Variants in ATMIN observed in about 807,000 individuals in gnomAD.
The protein encoded by ATMIN is ATM INteracting protein.
A neutral mutation model predicts 49.2 loss-of-function variants in ATMIN; 24 were observed. That is an observed-to-expected ratio of 0.49 (90% CI 0.35 to 0.69). ATMIN has a LOEUF of 0.69. Ranked by LOEUF, ATMIN falls within the 30% of genes least tolerant of loss-of-function variation. The pLI, the probability that ATMIN is intolerant of heterozygous loss-of-function variation, is 0.00. For missense variants in ATMIN, 1,037 were observed against 1,005.5 expected, an observed-to-expected ratio of 1.03 and a Z score of -0.42; for synonymous variants, 450 against 392.5, an observed-to-expected ratio of 1.15 and a Z score of -1.73.
intron 2 of ATMIN, 96 bp downstream of exon 2, chr16:81,041,577 G>T (rs1426067486): frequency 4.1e-6 from 6 of 1,455,620 alleles, no homozygotes; most frequent in Non-Finnish European, 4.6e-6. Flanking sequence ...GTAGACAGCT[G>T]CTTGTGAGGG....
Position 81,043,808 on chromosome 16 carries a change from T to C in ATMIN, c.1310T>C (p.Val437Ala). ...CAGTGGGCCACTGCTGATTCCTCTG[T>C]GTCGTCTTGTTCTCAAACTGATTTG... ...SAQWATADSS[V>A]SSCSQTDLSF... Residue 437 changes from valine to alanine, a missense_variant, in exon 4 of 4, where the codon GTG becomes GCG. By Grantham distance (64) the Val-to-Ala change is moderately conservative (BLOSUM62 0). Coordinates refer to ENST00000299575, the MANE Select transcript of ATMIN (RefSeq NM_015251.3). 1 of 1,614,252 alleles carries C rather than the reference T, an allele frequency of 6.2e-7. No individual in the cohort carries two copies. Among genetic ancestry groups the C allele is most frequent in the South Asian group, 1.1e-5 (1 of 91,090 alleles).
Position 81,042,426 on chromosome 16 carries a change from C to T in ATMIN, c.608C>T (p.Thr203Ile), listed in dbSNP as rs375698689. The stretch of plus-strand genomic sequence containing the variant: ...TGCGGCTGTCCCTACGCCAGTAGAA[C>T]AGCACTGCAGTCTCACATCTACCGA... Reference protein sequence around the residue: ...CTCGCPYASRTALQSHIYRTG... With the variant: ...CTCGCPYASRIALQSHIYRTG... Residue 203 changes from threonine to isoleucine, a missense_variant, in exon 3 of 4, where the codon ACA (threonine) becomes ATA (isoleucine). Physicochemically the swap from Thr to Ile is moderately conservative, Grantham distance 89. Transcript: ENST00000299575. The T allele has an allele frequency of 6.2e-7, 1 of 1,614,028 alleles. No individual in the cohort carries two copies. Among genetic ancestry groups the T allele is most frequent in the Non-Finnish European group, 8.5e-7 (1 of 1,180,040 alleles).
rs144856603 is a variant in ATMIN at position 81,043,306 on chromosome 16, T to C, written c.808T>C (p.Ser270Pro). The change falls in exon 4 of 4, where the codon TCT becomes CCT. Residue 270 changes from serine to proline, a missense_variant. Physicochemically the swap from Ser to Pro is moderately conservative, Grantham distance 74 (BLOSUM62 -1). Coordinates refer to ENST00000299575, the MANE Select transcript of ATMIN (RefSeq NM_015251.3). ...AGCTTCAGAAATAAAGCTAGAACCA[T>C]CTTTTGAAGACTCTTGTGGCTCTAA... ...LEASEIKLEP[S>P]FEDSCGSNTD... The C allele has an allele frequency of 1.4e-5, 22 of 1,613,944 alleles. No homozygotes were observed. The highest frequency in any genetic ancestry group is 2.7e-5 in the African/African-American group (2 of 74,882).
rs766477970 is a variant in ATMIN at position 81,044,363 on chromosome 16, C to A, written c.1865C>A (p.Thr622Asn). The A allele has an allele frequency of 8.7e-6, 14 of 1,614,006 alleles. No individual in the cohort carries two copies. Among genetic ancestry groups the A allele is most frequent in the African/African-American group, 1.3e-5 (1 of 74,914 alleles). The change falls in exon 4 of 4, where the codon ACC becomes AAC. Residue 622 changes from threonine (T) to asparagine (N), a missense_variant. Thr to Asn is a moderately conservative substitution (Grantham distance 65). Coordinates refer to ENST00000299575, the MANE Select transcript of ATMIN (RefSeq NM_015251.3). The stretch of plus-strand genomic sequence containing the variant: ...TCTGACACAAATCCTGGACCTGACA[C>A]CCAGCTCCCATCTGGCCCAGCCCAG... ...LLSDTNPGPD[T>N]QLPSGPAQNP...
chr16:81,045,073 G>C lies in ATMIN; in HGVS notation c.*103G>C. 2 of 1,431,240 alleles carry C rather than the reference G, an allele frequency of 1.4e-6. No individual in the cohort carries two copies. The highest frequency in any genetic ancestry group is 1.9e-6 in the Non-Finnish European group (2 of 1,064,780). The allele number at this position is 1,431,240 out of a possible 1,614,324, so 88.7% of individuals were successfully genotyped here. On this transcript the variant is annotated 3_prime_UTR_variant, in exon 4 of 4. Coordinates refer to ENST00000299575, the MANE Select transcript of ATMIN (RefSeq NM_015251.3). ...ATTAATTCGATTGAATGTGGCTGAT[G>C]ATGCAGTTGCTTAGCTTCTTTGTGT...
In ATMIN at chr16:81,045,031, G is replaced by A. The variant is rs1194704116; in HGVS notation, c.*61G>A. The stretch of plus-strand genomic sequence containing the variant: ...ACCATTTCCTCTGGATTAAAACTAC[G>A]GACTGGGGACAACAGTATTAATTCG... On this transcript the variant is annotated 3_prime_UTR_variant, in exon 4 of 4. Transcript: ENST00000299575. The A allele has an allele frequency of 8.4e-6, 13 of 1,548,904 alleles. No homozygotes were observed. Among genetic ancestry groups the A allele is most frequent in the Middle Eastern group, 1.7e-4 (1 of 5,764 alleles).
In ATMIN at chr16:81,044,343, C is replaced by T. The variant is rs1227422413; in HGVS notation, c.1845C>T (p.Asp615=). The T allele has an allele frequency of 2.5e-6, 4 of 1,614,034 alleles. No homozygotes were observed. The highest frequency in any genetic ancestry group is 3.4e-6 in the Non-Finnish European group (4 of 1,180,014). The change falls in exon 4 of 4, where the codon GAC becomes GAT. Residue 615 remains aspartate, a synonymous_variant. Transcript: ENST00000299575. The part of the protein sequence containing the change: ...QTLDHRSLLS[D]TNPGPDTQLP... ...TGGATCATCGTAGTCTTTTGTCTGA[C>T]ACAAATCCTGGACCTGACACCCAGC... is the stretch of plus-strand genomic sequence containing the variant.
At chr16:81,038,297 A>G (rs1970981113) in intron 1 of ATMIN, among the ~76,000 whole-genome samples, 1 of 151,140 alleles carries the variant, frequency 6.6e-6, no homozygotes, top group Non-Finnish European at 1.5e-5. Flanking sequence ...CGCCCAGCTA[A>G]TTTTTGTATT....
Position 81,044,793 on chromosome 16 carries a change from A to G in ATMIN, c.2295A>G (p.Thr765=). Residue 765 remains threonine, a synonymous_variant, in exon 4 of 4, where the codon ACA becomes ACG. Coordinates refer to ENST00000299575, the MANE Select transcript of ATMIN (RefSeq NM_015251.3). ...AAGTTCAGTTGAACAGTACAGAAACACAGACCATGAGTTCTGGGTTTGAAA... is the reference window on the plus strand; with the variant it reads ...AAGTTCAGTTGAACAGTACAGAAACGCAGACCATGAGTTCTGGGTTTGAAA... ...ESKVQLNSTE[T]QTMSSGFETL... 8 of 1,614,226 alleles carry G rather than the reference A, an allele frequency of 5.0e-6. No homozygotes were observed. Among genetic ancestry groups the G allele is most frequent in the East Asian group, 4.5e-5 (2 of 44,884 alleles).
chr16:81,043,873 A>G lies in ATMIN; in HGVS notation c.1375A>G (p.Thr459Ala). 4 of 1,614,146 alleles carry G rather than the reference A, an allele frequency of 2.5e-6. No homozygotes were observed. Among genetic ancestry groups the G allele is most frequent in the Non-Finnish European group, 3.4e-6 (4 of 1,180,048 alleles). ...AGTGTCTCTTCCCATTAGTGTTCACACTCAGACATTTTTGCCCAGCTCTAA... is the reference window on the plus strand; with the variant it reads ...AGTGTCTCTTCCCATTAGTGTTCACGCTCAGACATTTTTGCCCAGCTCTAA... ...SQVSLPISVH[T>A]QTFLPSSKVT... The change falls in exon 4 of 4, where the codon ACT becomes GCT. Residue 459 changes from threonine (T) to alanine (A), a missense_variant. By Grantham distance (58) the Thr-to-Ala change is moderately conservative (BLOSUM62 0). Transcript: ENST00000299575.
At chr16:81,038,847 G>A (rs984897131) in intron 1 of ATMIN, among the ~76,000 whole-genome samples, 3 of 152,174 alleles carry the variant, frequency 2.0e-5, no homozygotes, top group African/African-American at 7.2e-5. Context: ...CCAGACTGGA[G>A]TGCAGTGGCA....
At position 81,044,784 on chromosome 16, in the gene ATMIN, T is replaced by C. The variant is rs1365127487; in HGVS notation, c.2286T>C (p.Ser762=). The C allele has an allele frequency of 6.2e-7, 1 of 1,614,152 alleles. No homozygotes were observed. The highest frequency in any genetic ancestry group is 8.5e-7 in the Non-Finnish European group (1 of 1,180,024). Residue 762 remains serine, a synonymous_variant, in exon 4 of 4, where the codon AGT becomes AGC. Transcript: ENST00000299575. The stretch of plus-strand genomic sequence containing the variant: ...TAGAAAGCAAAGTTCAGTTGAACAG[T>C]ACAGAAACACAGACCATGAGTTCTG... ...PALESKVQLN[S]TETQTMSSGF...
chr16:81,043,044 G>A (rs2151740195), intron 3 of ATMIN, 117 bp from the exon 4 acceptor site: 2 of 1,270,826 alleles, frequency 1.6e-6, no homozygotes, highest in African/African-American at 1.5e-5. Context: ...TCTTGTCTGG[G>A]TTGAACATGA....
Position 81,043,871 on chromosome 16 carries a change from A to C in ATMIN, c.1373A>C (p.His458Pro). The part of the protein sequence containing the change: ...DSQVSLPISV[H>P]TQTFLPSSKV... Reference sequence around the variant, plus strand: ...CAAGTGTCTCTTCCCATTAGTGTTCACACTCAGACATTTTTGCCCAGCTCT... The same window carrying C: ...CAAGTGTCTCTTCCCATTAGTGTTCCCACTCAGACATTTTTGCCCAGCTCT... Residue 458 changes from histidine (H) to proline (P), a missense_variant, in exon 4 of 4, where the codon CAC becomes CCC. His to Pro is a moderately conservative substitution (Grantham distance 77). Coordinates refer to ENST00000299575, the MANE Select transcript of ATMIN (RefSeq NM_015251.3). 6.2e-7 allele frequency: 1 copy of C among 1,614,190 alleles called. No individual in the cohort carries two copies. Among genetic ancestry groups the C allele is most frequent in the Non-Finnish European group, 8.5e-7 (1 of 1,180,046 alleles).
intron 1 of ATMIN, among the ~76,000 whole-genome samples, chr16:81,039,829 A>C (rs190502991): frequency 6.6e-6 from 1 of 152,314 alleles, no homozygotes; most frequent in Admixed American, 6.5e-5. Context: ...ATTTGCCAGA[A>C]ATTTTTTAAG....
At chr16:81,041,801 A>G (rs71400136) in intron 2 of ATMIN, 3,910 of 235,254 alleles carry the variant, frequency 0.017, 75 homozygotes, top group East Asian at 0.054. Context: ...AAAGGCACAA[A>G]GGAACTGTTC....
At position 81,035,900 on chromosome 16, in the gene ATMIN, G is replaced by T. The variant is rs1442244735; in HGVS notation, c.30G>T (p.Ala10=). 12 of 982,272 alleles carry T rather than the reference G, an allele frequency of 1.2e-5. No individual in the cohort carries two copies. The highest frequency in any genetic ancestry group is 1.4e-5 in the Non-Finnish European group (12 of 828,704). 60.8% of individuals were successfully genotyped at this position (982,272 alleles called of 1,614,324 possible). A position where few individuals can be genotyped will look rare whatever the true frequency, so the allele number is the denominator to read the frequency against. Residue 10 remains alanine, a synonymous_variant, in exon 1 of 4, where the codon GCG becomes GCT. Transcript: ENST00000299575. ...CGGCCTCGGAGGCGGCGGCGGCGGCGGGGTCCGCGGCTCTGGCGGCGGGTG... is the reference window on the plus strand; with the variant it reads ...CGGCCTCGGAGGCGGCGGCGGCGGCTGGGTCCGCGGCTCTGGCGGCGGGTG... The part of the protein sequence containing the change: MAASEAAAA[A]GSAALAAGAR...
intron 1 of ATMIN, among the ~76,000 whole-genome samples, chr16:81,039,287 T>A (rs1197252590): frequency 6.6e-6 from 1 of 152,228 alleles, no homozygotes; most frequent in African/African-American, 2.4e-5. Flanking sequence ...ATTTTCGGTC[T>A]TAGTTACAGC....
At chr16:81,042,198 T>C (rs548677523) in intron 2 of ATMIN, 83 bp from the exon 3 acceptor site, 2 of 1,163,610 alleles carry the variant, frequency 1.7e-6, no homozygotes, top group East Asian at 2.4e-5. Context: ...GTAAAATCAT[T>C]ATTAATTTGG....
Sources: allele counts gnomAD v4.1 joint callset (sites outside exome capture counted in the v4.1 genomes callset), GRCh38; gene constraint gnomAD v4.1.1; transcripts MANE v1.5; gene names NCBI Gene and HGNC (gene_info 2026-07-23, HGNC 2026-07-21).